C13orf42: variants seen among roughly 807,000 people sequenced by gnomAD.
The protein encoded by C13orf42 is uncharacterized protein C13orf42.
chr13:51,118,586 GT>G (rs926059352), intron 1 of C13orf42, among the ~76,000 whole-genome samples: 1 of 152,012 alleles, frequency 6.6e-6, no homozygotes, highest in African/African-American at 2.4e-5. Context: ...CAAGGTGGTG[GT>G]TTTTTTTACA....
chr13:51,094,780 T>A (rs1428458518), intron 1 of C13orf42, among the ~76,000 whole-genome samples: 3 of 152,216 alleles, frequency 2.0e-5, no homozygotes, highest in Admixed American at 2.0e-4. Context: ...TATTTTTCTT[T>A]CTTTCAGCAC....
intron 1 of C13orf42, among the ~76,000 whole-genome samples, chr13:51,150,544 G>A (rs1325962504): frequency 2.0e-5 from 3 of 152,278 alleles, no homozygotes; most frequent in South Asian, 2.1e-4. Flanking sequence ...TAAATTCTGC[G>A]TAAATTATAT....
At chr13:51,151,533 C>T (rs1027045418) in intron 1 of C13orf42, among the ~76,000 whole-genome samples, 1 of 152,180 alleles carries the variant, frequency 6.6e-6, no homozygotes, top group Non-Finnish European at 1.5e-5. Flanking sequence ...CTTTAAGCCA[C>T]TAAGTTGGTG....
chr13:51,103,133 T>C (rs1216326218), intron 1 of C13orf42, among the ~76,000 whole-genome samples: 1 of 152,180 alleles, frequency 6.6e-6, no homozygotes, highest in Non-Finnish European at 1.5e-5. Flanking sequence ...TGGGGTTCCA[T>C]AGGGTTCTGC....
chr13:51,156,731 GT>G (rs1317659152), intron 1 of C13orf42, among the ~76,000 whole-genome samples: 1 of 152,244 alleles, frequency 6.6e-6, no homozygotes, highest in Non-Finnish European at 1.5e-5. Flanking sequence ...GATCAGGGTA[GT>G]TACTATTGTT....
chr13:51,085,239 T>C, intron 3 of C13orf42, 80 bp downstream of exon 3: 1 of 387,580 alleles, frequency 2.6e-6, no homozygotes, highest in Non-Finnish European at 4.5e-6. Flanking sequence ...AAGATGGGGC[T>C]GGAGGCACCT....
chr13:51,099,100 AC>A (rs1953262244), intron 1 of C13orf42, among the ~76,000 whole-genome samples: 1 of 152,166 alleles, frequency 6.6e-6, no homozygotes, highest in Non-Finnish European at 1.5e-5. Flanking sequence ...CTGGTTTTAA[AC>A]CTTAAAAGTT....
At chr13:51,121,065 G>A (rs1292890390) in intron 1 of C13orf42, among the ~76,000 whole-genome samples, 1 of 152,142 alleles carries the variant, frequency 6.6e-6, no homozygotes, top group African/African-American at 2.4e-5. Context: ...TCTGCCCCCT[G>A]GTGGTTGGGT....
intron 1 of C13orf42, among the ~76,000 whole-genome samples, chr13:51,097,807 G>C (rs1462173730): frequency 6.6e-6 from 1 of 151,850 alleles, no homozygotes; most frequent in Non-Finnish European, 1.5e-5. Flanking sequence ...ATGTAATGCA[G>C]GCTGTTTCCT....
chr13:51,105,034 C>T (rs1202470832), intron 1 of C13orf42, among the ~76,000 whole-genome samples: 2 of 152,192 alleles, frequency 1.3e-5, no homozygotes, highest in African/African-American at 4.8e-5. Context: ...TAGCAAAAAA[C>T]ACAGCAGGAC....
intron 1 of C13orf42, among the ~76,000 whole-genome samples, chr13:51,102,853 G>T (rs949860723): frequency 1.1e-4 from 16 of 152,180 alleles, no homozygotes; most frequent in African/African-American, 3.9e-4. Flanking sequence ...GGAGAAGCAA[G>T]TACCTTCTTC....
rs142066048 is a variant in C13orf42 at position 51,145,523 on chromosome 13, C to A, written n.136+26730G>T. Among the ~76,000 whole-genome samples, 1,361 of 152,226 alleles carry A rather than the reference C, an allele frequency of 8.9e-3. 10 individuals carry two copies. The highest frequency in any genetic ancestry group is 0.014 in the Non-Finnish European group (936 of 67,996). On this transcript the variant is annotated intron_variant and non_coding_transcript_variant, in intron 1 of 4. Transcript: ENST00000433280. ...GATTCATTTTCTTGTAAAATGCTTT[C>A]TCCAAAAGATTTTTTTAAAAAAGGG...
chr13:51,126,822 A>ATTC (rs1953581429), intron 1 of C13orf42, among the ~76,000 whole-genome samples: 10 of 152,208 alleles, frequency 6.6e-5, no homozygotes, highest in Admixed American at 6.5e-4. Flanking sequence ...TTTCTGACAA[A>ATTC]TGAAGAATTC....
At chr13:51,171,444 T>G (rs1181325884) in intron 1 of C13orf42, among the ~76,000 whole-genome samples, 1 of 152,096 alleles carries the variant, frequency 6.6e-6, no homozygotes, top group Non-Finnish European at 1.5e-5. Flanking sequence ...TCTTCCTTCT[T>G]TCCCTCCCGC....
chr13:51,167,627 C>T (rs1026717445), intron 1 of C13orf42, among the ~76,000 whole-genome samples: 3 of 152,188 alleles, frequency 2.0e-5, no homozygotes, highest in Non-Finnish European at 4.4e-5. Context: ...CTGCAAGTCT[C>T]TTTGTGATAC....
chr13:51,158,321 TG>T (rs1953839329), intron 1 of C13orf42, among the ~76,000 whole-genome samples: 1 of 152,208 alleles, frequency 6.6e-6, no homozygotes, highest in African/African-American at 2.4e-5. Flanking sequence ...TTCCTGGCTA[TG>T]CCTCTCCCTG....
rs1457946055 is a variant in C13orf42, at chr13:51,085,338, G to C, written c.784C>G (p.Pro262Ala). The change falls in exon 3 of 4, where the codon CCC (proline) becomes GCC (alanine). Residue 262 changes from proline to alanine, a missense_variant. Pro to Ala is a conservative substitution (Grantham distance 27, BLOSUM62 -1). Coordinates refer to ENST00000563710, the MANE Select transcript of C13orf42 (RefSeq NM_001351589.3). ...EGAFNTWKFK[P>A]KACKKDLGSS... ...ACTTACTCTTTTTTGCAGGCTTTGG[G>C]CTTAAATTTCCAGGTGTTGAAGGCC... 1.0e-5 allele frequency: 4 copies of C among 398,392 alleles called. No homozygotes were observed. Among genetic ancestry groups the C allele is most frequent in the Non-Finnish European group, 1.8e-5 (4 of 226,046 alleles). 24.7% of individuals were successfully genotyped at this position (398,392 alleles called of 1,614,324 possible).
chr13:51,129,787 T>C (rs1953602763), intron 1 of C13orf42, among the ~76,000 whole-genome samples: 1 of 152,172 alleles, frequency 6.6e-6, no homozygotes, highest in Non-Finnish European at 1.5e-5. Context: ...TAAAGAGGGG[T>C]ACCTTAGGAT....
intron 1 of C13orf42, among the ~76,000 whole-genome samples, chr13:51,141,118 G>A (rs960462894): frequency 2.7e-5 from 4 of 150,782 alleles, no homozygotes; most frequent in African/African-American, 9.8e-5. Flanking sequence ...GTGTGTGTGT[G>A]TGTGTGTGTG....
Sources: allele counts gnomAD v4.1 joint callset (sites outside exome capture counted in the v4.1 genomes callset), GRCh38; gene constraint gnomAD v4.1.1; transcripts MANE v1.5; gene names NCBI Gene and HGNC (gene_info 2026-07-23, HGNC 2026-07-21).